Variants in COL4A2 observed in about 807,000 individuals in gnomAD.
The protein encoded by COL4A2 is collagen alpha-2(IV) chain.
COL4A2 carries 99 observed loss-of-function variants against 200.2 expected under a neutral mutation model. The ratio of observed to expected loss-of-function variants is 0.49; its 90% CI spans 0.42 to 0.58. The LOEUF is 0.58. Ranked by LOEUF, COL4A2 falls within the 20% of genes least tolerant of loss-of-function variation. COL4A2 has a pLI of 0.00. For missense variants in COL4A2, 1,950 were observed against 2,314.1 expected (o/e 0.84, Z 3.23); for synonymous variants, 897 against 900.6 (o/e 1.00, Z 0.07).
rs979156788 is a variant in COL4A2 at position 110,512,210 on chromosome 13, G to C, written c.*19G>C. ...CCTGTGAGCCGGCGCGTGCCAGGAA[G>C]GGCCATTTTGGTGCTTATTCTTAAC... On this transcript the variant is annotated 3_prime_UTR_variant, in exon 48 of 48. Coordinates refer to ENST00000360467, the MANE Select transcript of COL4A2 (RefSeq NM_001846.4). The C allele has an allele frequency of 1.2e-6, 2 of 1,602,456 alleles. No homozygotes were observed. The highest frequency in any genetic ancestry group is 2.7e-5 in the African/African-American group (2 of 74,366).
chr13:110,507,536 G>A (rs1883928334), intron 46 of COL4A2: 2 of 231,354 alleles, frequency 8.6e-6, no homozygotes, highest in Middle Eastern at 1.6e-3. Context: ...AAGGGAGAAG[G>A]GCCAGGACTC....
chr13:110,498,309 T>C (rs1055220662), intron 40 of COL4A2, among the ~76,000 whole-genome samples: 2 of 152,210 alleles, frequency 1.3e-5, no homozygotes, highest in African/African-American at 4.8e-5. Flanking sequence ...CATAGCGTTG[T>C]TTTCAGAGTG....
At chr13:110,441,268 C>CA (rs1881114350) in intron 16 of COL4A2, among the ~76,000 whole-genome samples, 1 of 152,184 alleles carries the variant, frequency 6.6e-6, no homozygotes, top group African/African-American at 2.4e-5. Flanking sequence ...CTCGGCAGGC[C>CA]TGGTGGGGGT....
chr13:110,356,689 C>T (rs756783508), intron 3 of COL4A2, among the ~76,000 whole-genome samples: 1 of 152,168 alleles, frequency 6.6e-6, no homozygotes, highest in East Asian at 1.9e-4. Flanking sequence ...TTCCTCACTT[C>T]ACATGGAATC....
intron 45 of COL4A2, 98 bp from the exon 46 acceptor site, chr13:110,506,317 C>T (rs571114586): frequency 4.9e-5 from 64 of 1,299,460 alleles, no homozygotes; most frequent in Non-Finnish European, 6.1e-5. Context: ...CTCTCTCTCT[C>T]TCTCTCAGGC....
chr13:110,364,232 T>C (rs1300443229), intron 4 of COL4A2, among the ~76,000 whole-genome samples: 2 of 152,234 alleles, frequency 1.3e-5, no homozygotes, highest in African/African-American at 2.4e-5. Context: ...TATAGCCCTG[T>C]CTACACATAG....
chr13:110,397,936 T>C (rs1020703542), intron 4 of COL4A2, among the ~76,000 whole-genome samples: 1 of 152,194 alleles, frequency 6.6e-6, no homozygotes, highest in Non-Finnish European at 1.5e-5. Flanking sequence ...AATCCTTGCT[T>C]TAAGAGCAGC....
At chr13:110,360,460 C>G (rs1877465625) in intron 4 of COL4A2, among the ~76,000 whole-genome samples, 1 of 152,158 alleles carries the variant, frequency 6.6e-6, no homozygotes. Flanking sequence ...TACACGATGC[C>G]AGAGGTCTTT....
intron 4 of COL4A2, among the ~76,000 whole-genome samples, chr13:110,383,279 A>G (rs886621914): frequency 2.6e-5 from 4 of 152,254 alleles, no homozygotes; most frequent in Non-Finnish European, 5.9e-5. Context: ...GATTAGCCAT[A>G]TGTACCATTT....
At chr13:110,325,070 A>G (rs1256792429) in intron 3 of COL4A2, among the ~76,000 whole-genome samples, 1 of 152,226 alleles carries the variant, frequency 6.6e-6, no homozygotes, top group African/African-American at 2.4e-5. Context: ...GAGAAGAGGC[A>G]TCGTAACTGA....
At chr13:110,361,191 A>G (rs1877496414) in intron 4 of COL4A2, among the ~76,000 whole-genome samples, 1 of 152,250 alleles carries the variant, frequency 6.6e-6, no homozygotes, top group African/African-American at 2.4e-5. Flanking sequence ...ATCTGTTTCA[A>G]TACTACAAAT....
At chr13:110,493,190 C>T (rs375614509) in intron 38 of COL4A2, 21 bp from the exon 39 acceptor site, 528 of 1,613,852 alleles carry the variant, frequency 3.3e-4, no homozygotes, top group Non-Finnish European at 4.2e-4. Flanking sequence ...AAATAAATAA[C>T]GATGAGTGAC....
At chr13:110,365,663 C>T (rs1877714390) in intron 4 of COL4A2, among the ~76,000 whole-genome samples, 1 of 152,186 alleles carries the variant, frequency 6.6e-6, no homozygotes, top group Admixed American at 6.5e-5. Context: ...CACGCAATGG[C>T]CTTGGCTCTC....
chr13:110,312,972 T>TA (rs1416014947), intron 3 of COL4A2, among the ~76,000 whole-genome samples: 1 of 152,174 alleles, frequency 6.6e-6, no homozygotes, highest in Non-Finnish European at 1.5e-5. Context: ...GCAGGTGTGC[T>TA]AAGACCTGTG....
At chr13:110,357,011 G>C (rs949298320) in intron 3 of COL4A2, among the ~76,000 whole-genome samples, 9 of 152,122 alleles carry the variant, frequency 5.9e-5, no homozygotes, top group Non-Finnish European at 1.0e-4. Flanking sequence ...TGATCCACCC[G>C]CCTCGGCCTC....
intron 4 of COL4A2, among the ~76,000 whole-genome samples, chr13:110,365,051 T>C (rs1012186552): frequency 6.6e-6 from 1 of 152,342 alleles, no homozygotes; most frequent in East Asian, 1.9e-4. Context: ...TGAATACATA[T>C]TGTTTTTAAA....
At chr13:110,445,733 T>C (rs1881295630) in intron 16 of COL4A2, 96 bp from the exon 17 acceptor site, 4 of 1,457,298 alleles carry the variant, frequency 2.7e-6, no homozygotes, top group Non-Finnish European at 3.8e-6. Context: ...TTTAATAAAC[T>C]GTTGTTCATT....
Position 110,474,269 on chromosome 13 carries a change from C to T in COL4A2, c.2425+1119C>T, listed in dbSNP as rs189488492. ...TCTCTGTGGTGTGGGAAGCAGGTGT[C>T]GCTCCCCTGATTCTGCCATCAGCCC... On this transcript the variant is annotated intron_variant, in intron 29 of 47. Coordinates refer to ENST00000360467, the MANE Select transcript of COL4A2 (RefSeq NM_001846.4). 1.1e-3 allele frequency among the ~76,000 whole-genome samples: 166 copies of T among 152,318 alleles called. 1 individual carries two copies. Among genetic ancestry groups the T allele is most frequent in the African/African-American group, 3.9e-3 (163 of 41,550 alleles).
intron 4 of COL4A2, among the ~76,000 whole-genome samples, chr13:110,384,987 G>A (rs1039016820): frequency 5.3e-5 from 8 of 152,166 alleles, no homozygotes; most frequent in African/African-American, 1.2e-4. Context: ...AACAGAGGCC[G>A]GGCGCGGTGG....
Sources: allele counts gnomAD v4.1 joint callset (sites outside exome capture counted in the v4.1 genomes callset), GRCh38; gene constraint gnomAD v4.1.1; transcripts MANE v1.5; gene names NCBI Gene and HGNC (gene_info 2026-07-23, HGNC 2026-07-21).